Variants in UBR1 observed in about 807,000 individuals in gnomAD.
The protein encoded by UBR1 is ubiquitin protein ligase E3 component n-recognin 1.
In UBR1, 102 loss-of-function variants were observed where a neutral mutation model predicts 242.1. That is an observed-to-expected ratio of 0.42 (90% confidence interval 0.36 to 0.50). The LOEUF (loss-of-function observed/expected upper bound fraction) is 0.50, where lower values mean the gene tolerates loss of function less well. Among genes scored for constraint, UBR1 ranks in the 20% least tolerant of loss-of-function variants. The probability of loss-of-function intolerance (pLI) is 0.01; values close to 1 mark genes in which losing one functional copy is unlikely to be tolerated. For missense variants in UBR1, 1,772 were observed against 2,101.8 expected (o/e 0.84, Z 3.07); for synonymous variants, 675 against 684.8 (o/e 0.99, Z 0.22).
rs141832223 is a variant in UBR1 at position 43,003,680 on chromosome 15, T to C, written c.3509+157A>G. On this transcript the variant is annotated intron_variant, in intron 31 of 46. Transcript: ENST00000290650. ...ACACACCACTTTCCAACTTTGATAA[T>C]AATAATTCATGCAAACAGAATTAGT... Among the ~76,000 whole-genome samples, 194 of 152,386 alleles carry C rather than the reference T, an allele frequency of 1.3e-3. 2 individuals are homozygous for C. The highest frequency in any genetic ancestry group is 4.1e-3 in the African/African-American group (170 of 41,592).
At chr15:42,989,599 A>T (rs1478971157) in intron 34 of UBR1, among the ~76,000 whole-genome samples, 1 of 152,236 alleles carries the variant, frequency 6.6e-6, no homozygotes, top group African/African-American at 2.4e-5. Flanking sequence ...CTAATGAGGC[A>T]GGATAGAAGG....
chr15:43,072,815 T>C (rs556312964), intron 4 of UBR1, among the ~76,000 whole-genome samples: 8 of 152,300 alleles, frequency 5.3e-5, no homozygotes, highest in East Asian at 1.9e-4. Context: ...GTGTATTACA[T>C]TGATTGGTTT....
In UBR1 at chr15:43,059,205, G is replaced by T. The variant is rs372060610; in HGVS notation, c.986-13C>A. The T allele has an allele frequency of 1.4e-5, 22 of 1,604,382 alleles. No individual in the cohort carries two copies. In the African/African-American group the frequency reaches 2.7e-4, roughly 20 times the overall value. ...TGCCTAAAGTCACCTACAAACAAAA[G>T]AGGTCACACAGTTACACAACTTGTA... On this transcript the variant is annotated splice_polypyrimidine_tract_variant and intron_variant, in intron 8 of 46. Transcript: ENST00000290650.
intron 39 of UBR1, among the ~76,000 whole-genome samples, chr15:42,973,531 T>C (rs2032239839): frequency 6.6e-6 from 1 of 152,150 alleles, no homozygotes; most frequent in Non-Finnish European, 1.5e-5. Context: ...CCGGCTGAAG[T>C]GATCTGCCCA....
At chr15:43,079,681 C>T (rs2033952585) in intron 3 of UBR1, among the ~76,000 whole-genome samples, 1 of 152,136 alleles carries the variant, frequency 6.6e-6, no homozygotes, top group Non-Finnish European at 1.5e-5. Context: ...ACTCAGGAGG[C>T]TGAGGCAGGA....
rs569388456 is a variant in UBR1, at chr15:42,980,580, C to T, written c.4151-2633G>A. Among the ~76,000 whole-genome samples the T allele has an allele frequency of 4.9e-4, 74 of 151,422 alleles. No individual in the cohort carries two copies. The South Asian group carries it at 0.014, about 28-fold the overall frequency. ...CACATGGCAGTGAGCATTGTATGTC[C>T]TATCTATCTATCCATCCATCCATCC... On this transcript the variant is annotated intron_variant, in intron 37 of 46. Transcript: ENST00000290650.
intron 15 of UBR1, among the ~76,000 whole-genome samples, chr15:43,041,942 T>C (rs2033424381): frequency 6.6e-6 from 1 of 151,982 alleles, no homozygotes; most frequent in African/African-American, 2.4e-5. Flanking sequence ...AAATCACTAA[T>C]CACTAGGGAC....
At chr15:42,966,063 T>C in intron 41 of UBR1, 90 bp downstream of exon 41, 2 of 1,585,268 alleles carry the variant, frequency 1.3e-6, no homozygotes, top group African/African-American at 1.3e-5. Context: ...GAAGTGGTTT[T>C]ATCTGCTTTA....
In UBR1 at chr15:43,028,782, T is replaced by A. The variant is rs181639600; in HGVS notation, c.2380-954A>T. Among the ~76,000 whole-genome samples, 1,963 of 142,864 alleles carry A rather than the reference T, an allele frequency of 0.014. 118 individuals are homozygous for A. In the East Asian group the frequency reaches 0.2, roughly 14 times the overall value. The allele number at this position is 142,864 out of a possible 152,430, so 93.7% of individuals were successfully genotyped here. A position where few individuals can be genotyped will look rare whatever the true frequency, so the allele number is the denominator to read the frequency against. On this transcript the variant is annotated intron_variant, in intron 21 of 46. Transcript: ENST00000290650. ...AAACAAACAAACAACAACAAAAAAA[T>A]ATATATATATATATTCCTTGGCCGG...
At chr15:43,052,634 T>C (rs780159318) in intron 12 of UBR1, among the ~76,000 whole-genome samples, 10 of 152,208 alleles carry the variant, frequency 6.6e-5, no homozygotes, top group Non-Finnish European at 8.8e-5. Flanking sequence ...ACATTAAGTG[T>C]GGTTATTGCT....
chr15:43,048,697 A>C (rs1225779424), intron 12 of UBR1, among the ~76,000 whole-genome samples: 1 of 152,246 alleles, frequency 6.6e-6, no homozygotes. Flanking sequence ...GAAGAGGCAG[A>C]TATCAAGCTA....
intron 35 of UBR1, among the ~76,000 whole-genome samples, chr15:42,987,056 T>A (rs1181894776): frequency 6.6e-6 from 1 of 152,162 alleles, no homozygotes; most frequent in Non-Finnish European, 1.5e-5. Flanking sequence ...CTTCCTCAGC[T>A]CCCATGCCCC....
intron 27 of UBR1, 148 bp downstream of exon 27, chr15:43,021,127 G>A (rs2033105220): frequency 8.0e-6 from 5 of 623,916 alleles, no homozygotes; most frequent in Admixed American, 5.9e-5. Flanking sequence ...ATAAAATATA[G>A]GAAAATAGAA....
At chr15:42,980,966 G>T (rs1381729422) in intron 37 of UBR1, among the ~76,000 whole-genome samples, 3 of 152,016 alleles carry the variant, frequency 2.0e-5, no homozygotes, top group Non-Finnish European at 4.4e-5. Context: ...ATAGAAAATA[G>T]CTCCTATTCT....
chr15:42,945,564 C>CT, intron 46 of UBR1, 94 bp from the exon 47 acceptor site: 1 of 1,513,604 alleles, frequency 6.6e-7, no homozygotes, highest in Non-Finnish European at 9.0e-7. Context: ...TGAGATGTTC[C>CT]TGGAGCCGGG....
intron 44 of UBR1, 115 bp downstream of exon 44, chr15:42,957,898 A>G: frequency 1.0e-6 from 1 of 955,874 alleles, no homozygotes; most frequent in Non-Finnish European, 1.6e-6. Context: ...AAAAAACCCA[A>G]ACCAAAACAA....
intron 14 of UBR1, among the ~76,000 whole-genome samples, chr15:43,046,299 C>A (rs182833624): frequency 3.2e-3 from 486 of 152,294 alleles, no homozygotes; most frequent in African/African-American, 0.011. Context: ...AGTATGGCTG[C>A]CACTCTGAAC....
At chr15:43,057,402 A>AG (rs2033631467) in intron 10 of UBR1, among the ~76,000 whole-genome samples, 1 of 152,128 alleles carries the variant, frequency 6.6e-6, no homozygotes, top group Admixed American at 6.5e-5. Context: ...CTTAAGTCTT[A>AG]CAGAATTGAC....
At chr15:43,089,491 T>C (rs1234815536) in intron 1 of UBR1, among the ~76,000 whole-genome samples, 5 of 152,018 alleles carry the variant, frequency 3.3e-5, no homozygotes, top group African/African-American at 1.2e-4. Context: ...CGAGAGTCCA[T>C]CTCAACCAAA....
Sources: gnomAD v4.1 joint callset for allele counts (sites outside exome capture counted in the v4.1 genomes callset) on GRCh38, gnomAD v4.1.1 for gene constraint, MANE v1.5 for transcripts, NCBI Gene and HGNC (gene_info 2026-07-23, HGNC 2026-07-21) for gene names.